The following SMYD1 variants were observed in gnomAD, a reference collection of about 807,000 sequenced individuals.
SMYD1 encodes the protein SET and MYND domain containing 1.
A neutral mutation model predicts 54.0 loss-of-function variants in SMYD1; 49 were observed. The ratio of observed to expected loss-of-function variants is 0.91; its 90% CI spans 0.72 to 1.15. The LOEUF is 1.15. Ranked by LOEUF, SMYD1 falls within the 50% of genes most tolerant of loss-of-function variation. The pLI is 0.00. For synonymous variants in SMYD1, 269 were observed against 234.2 expected (o/e 1.15, Z -1.36); for missense variants, 653 against 639.6 (o/e 1.02, Z -0.23).
At chr2:88,097,596 T>C (rs1013776104) in intron 6 of SMYD1, among the ~76,000 whole-genome samples, 1 of 152,102 alleles carries the variant, frequency 6.6e-6, no homozygotes, top group Non-Finnish European at 1.5e-5. Flanking sequence ...GACATTCTCT[T>C]TTATAAGGAC....
Position 88,096,714 on chromosome 2 carries a change from A to T in SMYD1, c.818A>T (p.Asp273Val), listed in dbSNP as rs1467428985. 2 of 1,614,196 alleles carry T rather than the reference A, an allele frequency of 1.2e-6. No homozygotes were observed. Among genetic ancestry groups the T allele is most frequent in the Admixed American group, 3.3e-5 (2 of 60,014 alleles). Residue 273 changes from aspartate (D) to valine (V), a missense_variant, in exon 6 of 10, where the codon GAC becomes GTC. By Grantham distance (152) the Asp-to-Val change is radical. Transcript: ENST00000419482. ...CAGCTGAAGAAGCAGTACTACTTTG[A>T]CTGCACATGTGAACACTGCCAGAAA... Reference protein sequence around the residue: ...KRQLKKQYYFDCTCEHCQKKL... With the variant: ...KRQLKKQYYFVCTCEHCQKKL...
chr2:88,099,688 A>G (rs909435632), intron 6 of SMYD1, among the ~76,000 whole-genome samples: 1 of 151,890 alleles, frequency 6.6e-6, no homozygotes, highest in African/African-American at 2.4e-5. Flanking sequence ...GTGCCACTGC[A>G]TTCCAGCCTG....
At chr2:88,085,116 T>G (rs528868572) in intron 2 of SMYD1, among the ~76,000 whole-genome samples, 1 of 152,166 alleles carries the variant, frequency 6.6e-6, no homozygotes, top group African/African-American at 2.4e-5. Context: ...ATTTTAAAAT[T>G]AGGATTTCTG....
At chr2:88,085,985 G>A (rs978580572) in intron 2 of SMYD1, among the ~76,000 whole-genome samples, 2 of 152,186 alleles carry the variant, frequency 1.3e-5, no homozygotes, top group African/African-American at 4.8e-5. Flanking sequence ...AGAGGTGGGG[G>A]GACAGAAGGG....
intron 4 of SMYD1, among the ~76,000 whole-genome samples, chr2:88,091,906 A>C (rs1317765590): frequency 6.6e-6 from 1 of 152,140 alleles, no homozygotes; most frequent in Non-Finnish European, 1.5e-5. Flanking sequence ...ATATAACAAC[A>C]AAAAGAAACT....
Position 88,067,938 on chromosome 2 carries a change from A to G in SMYD1, c.74A>G (p.Lys25Arg), listed in dbSNP as rs779342016. The change falls in exon 1 of 10, where the codon AAG becomes AGG. Residue 25 changes from lysine to arginine, a missense_variant. Transcript: ENST00000419482. ...AAAGGAAGGGGTCTGAAGGCCACCAAGGAGTTCTGGGCTGCAGATATCATC... is the reference window on the plus strand; with the variant it reads ...AAAGGAAGGGGTCTGAAGGCCACCAGGGAGTTCTGGGCTGCAGATATCATC... ...EGKGRGLKAT[K>R]EFWAADIIFA... 3 of 1,614,056 alleles carry G rather than the reference A, an allele frequency of 1.9e-6. No individual in the cohort carries two copies. Among genetic ancestry groups the G allele is most frequent in the Non-Finnish European group, 2.5e-6 (3 of 1,180,016 alleles).
chr2:88,090,288 A>C (rs1419641752), intron 3 of SMYD1, among the ~76,000 whole-genome samples: 1 of 152,228 alleles, frequency 6.6e-6, no homozygotes, highest in Non-Finnish European at 1.5e-5. Context: ...TTTATAGATG[A>C]AGTGGAAATC....
chr2:88,103,234 C>T (rs1006517058), intron 7 of SMYD1, 84 bp downstream of exon 7: 39 of 728,250 alleles, frequency 5.4e-5, no homozygotes, highest in Middle Eastern at 2.8e-4. Context: ...GGCGTGAGAA[C>T]GGGCGGCGGG....
chr2:88,103,222 G>C, intron 7 of SMYD1, 72 bp downstream of exon 7: 1 of 1,348,224 alleles, frequency 7.4e-7, no homozygotes, highest in Non-Finnish European at 1.1e-6. Context: ...AGGGAGGGAA[G>C]TGGCGTGAGA....
chr2:88,076,372 G>A (rs1238814041), intron 1 of SMYD1, among the ~76,000 whole-genome samples: 7 of 152,096 alleles, frequency 4.6e-5, no homozygotes, highest in African/African-American at 1.4e-4. Context: ...CCGCCACCAC[G>A]CCCAGCTAAT....
chr2:88,072,496 T>C (rs888780203), intron 1 of SMYD1, among the ~76,000 whole-genome samples: 1 of 152,228 alleles, frequency 6.6e-6, no homozygotes, highest in Non-Finnish European at 1.5e-5. Flanking sequence ...ACACAAAATG[T>C]CCCTAAATTC....
intron 1 of SMYD1, among the ~76,000 whole-genome samples, chr2:88,077,011 C>CAA (rs112988082): frequency 0.3 from 34,574 of 116,812 alleles, 4,541 homozygotes; most frequent in Middle Eastern, 0.36. Flanking sequence ...GACCCTGTCT[C>CAA]AAAAAAAAAA....
In SMYD1 at chr2:88,108,530, G is replaced by T; in HGVS notation, c.1305G>T (p.Lys435Asn). 1 of 1,586,866 alleles carries T rather than the reference G, an allele frequency of 6.3e-7. No homozygotes were observed. The highest frequency in any genetic ancestry group is 1.4e-5 in the African/African-American group (1 of 73,640). Residue 435 changes from lysine (K) to asparagine (N), a missense_variant, in exon 9 of 10, where the codon AAG becomes AAT. Lys to Asn is a moderately conservative substitution (Grantham distance 94, BLOSUM62 0). Transcript: ENST00000419482. Reference sequence around the variant, plus strand: ...ACGGACCCTCCCACCCCATCACTAAGGACTTAGAGGCAAGTAGCGTCTTGA... The same window carrying T: ...ACGGACCCTCCCACCCCATCACTAATGACTTAGAGGCAAGTAGCGTCTTGA... ...VTHGPSHPIT[K>N]DLEAMRVQTE...
rs557988926 is a variant in SMYD1, at chr2:88,104,052, T to C, written c.981+902T>C. ...CACGATTTCGGCTCACTGCAAGCTCTGCCTCCCAGGTTCACGCCATTCTCC... is the reference window on the plus strand; with the variant it reads ...CACGATTTCGGCTCACTGCAAGCTCCGCCTCCCAGGTTCACGCCATTCTCC... On this transcript the variant is annotated intron_variant, in intron 7 of 9. Coordinates refer to ENST00000419482, the MANE Select transcript of SMYD1 (RefSeq NM_198274.4). Among the ~76,000 whole-genome samples, 131 of 151,868 alleles carry C rather than the reference T, an allele frequency of 8.6e-4. 1 individual carries two copies. The highest frequency in any genetic ancestry group is 3.4e-3 in the Middle Eastern group (1 of 294).
At chr2:88,085,018 G>A (rs576560655) in intron 2 of SMYD1, among the ~76,000 whole-genome samples, 2 of 152,166 alleles carry the variant, frequency 1.3e-5, no homozygotes, top group Non-Finnish European at 2.9e-5. Context: ...CCAAAGTGCT[G>A]GGATTACAAC....
At chr2:88,098,628 A>G (rs1170761635) in intron 6 of SMYD1, among the ~76,000 whole-genome samples, 1 of 152,238 alleles carries the variant, frequency 6.6e-6, no homozygotes, top group Non-Finnish European at 1.5e-5. Flanking sequence ...AAAGGCCATC[A>G]TAATGTAGTA....
At position 88,106,341 on chromosome 2, in the gene SMYD1, G is replaced by T; in HGVS notation, c.998G>T (p.Arg333Leu). The T allele has an allele frequency of 6.2e-7, 1 of 1,614,102 alleles. No individual in the cohort carries two copies. ...TCACTCTAGGTTGTGAAATTATGCC[G>T]GGAGTGCCTGGAGAAGCAGGAGCCA... is the stretch of plus-strand genomic sequence containing the variant. ...GLYHEVVKLCRECLEKQEPVF... is the reference protein window; with the variant it reads ...GLYHEVVKLCLECLEKQEPVF... Residue 333 changes from arginine to leucine, a missense_variant, in exon 8 of 10, where the codon CGG becomes CTG. Arg to Leu is a moderately radical substitution (Grantham distance 102). Coordinates refer to ENST00000419482, the MANE Select transcript of SMYD1 (RefSeq NM_198274.4).
chr2:88,105,617 C>T (rs115536374), intron 7 of SMYD1, among the ~76,000 whole-genome samples: 4,893 of 151,970 alleles, frequency 0.032, 267 homozygotes, highest in African/African-American at 0.11. Context: ...TTGTTTTTTG[C>T]TGTTGTATGA....
At chr2:88,094,795 G>C in intron 5 of SMYD1, among the ~76,000 whole-genome samples, 1 of 152,102 alleles carries the variant, frequency 6.6e-6, no homozygotes. Context: ...ATGTCACTAT[G>C]GTGGGCTGCC....
Sources: allele counts gnomAD v4.1 joint callset (sites outside exome capture counted in the v4.1 genomes callset), GRCh38; gene constraint gnomAD v4.1.1; transcripts MANE v1.5; gene names NCBI Gene and HGNC (gene_info 2026-07-23, HGNC 2026-07-21).